ATRNL1: variants seen among roughly 807,000 people sequenced by gnomAD.
The protein encoded by ATRNL1 is attractin like 1.
A neutral mutation model predicts 182.7 loss-of-function variants in ATRNL1; 95 were observed. That is an observed-to-expected ratio of 0.52 (90% CI 0.44 to 0.62). The LOEUF (loss-of-function observed/expected upper bound fraction) is 0.62. Ranked by LOEUF, ATRNL1 falls within the 20% of genes least tolerant of loss-of-function variation. ATRNL1 has a pLI of 0.00. For missense variants in ATRNL1, 1,471 were observed against 1,679.5 expected (o/e 0.88, Z 2.17); for synonymous variants, 576 against 568.3 (o/e 1.01, Z -0.19).
chr10:115,640,539 T>G (rs1555029928), intron 26 of ATRNL1, among the ~76,000 whole-genome samples: 1 of 152,188 alleles, frequency 6.6e-6, no homozygotes, highest in Non-Finnish European at 1.5e-5. Flanking sequence ...GATGATGAAG[T>G]TTTTTTCATA....
intron 27 of ATRNL1, among the ~76,000 whole-genome samples, chr10:115,824,806 G>C (rs375639988): frequency 9.9e-5 from 15 of 152,160 alleles, no homozygotes; most frequent in East Asian, 5.8e-4. Context: ...GTACACTGTT[G>C]GTGGGTGTGT....
chr10:115,768,209 A>G (rs899405995), intron 27 of ATRNL1, among the ~76,000 whole-genome samples: 11 of 152,154 alleles, frequency 7.2e-5, no homozygotes, highest in African/African-American at 2.7e-4. Context: ...GTAAAATGAG[A>G]ATAGTAACAT....
intron 26 of ATRNL1, among the ~76,000 whole-genome samples, chr10:115,553,003 G>T (rs1398651482): frequency 2.6e-5 from 4 of 151,200 alleles, no homozygotes; most frequent in African/African-American, 4.8e-5. Context: ...TGAAATATTT[G>T]TCAGGAGCAA....
chr10:115,741,390 G>A (rs1357012952), intron 27 of ATRNL1, among the ~76,000 whole-genome samples: 1 of 152,156 alleles, frequency 6.6e-6, no homozygotes, highest in Non-Finnish European at 1.5e-5. Context: ...AGAGCAAGGT[G>A]AGCGAGGGAC....
chr10:115,150,921 T>C (rs575032651), intron 5 of ATRNL1, among the ~76,000 whole-genome samples: 1 of 152,292 alleles, frequency 6.6e-6, no homozygotes, highest in South Asian at 2.1e-4. Context: ...CCTTCCTGTG[T>C]CCAAGTGTTC....
intron 27 of ATRNL1, among the ~76,000 whole-genome samples, chr10:115,835,532 G>A (rs933668301): frequency 1.3e-5 from 2 of 152,180 alleles, no homozygotes; most frequent in Admixed American, 6.5e-5. Context: ...AATTGGGAAA[G>A]GCAATAATAT....
chr10:115,937,006 T>C (rs1465048262), intron 28 of ATRNL1, among the ~76,000 whole-genome samples: 3 of 152,180 alleles, frequency 2.0e-5, no homozygotes, highest in African/African-American at 4.8e-5. Flanking sequence ...TTTTTGAGTA[T>C]GTAATTAAAA....
At chr10:115,554,691 G>C (rs1407845112) in intron 26 of ATRNL1, among the ~76,000 whole-genome samples, 2 of 151,480 alleles carry the variant, frequency 1.3e-5, no homozygotes, top group Non-Finnish European at 3.0e-5. Flanking sequence ...GTCATGCATA[G>C]GGAGATAGAA....
At chr10:115,722,395 A>G (rs1947457221) in intron 26 of ATRNL1, among the ~76,000 whole-genome samples, 2 of 152,160 alleles carry the variant, frequency 1.3e-5, no homozygotes, top group African/African-American at 4.8e-5. Context: ...ATTTTTCTGA[A>G]CAAGAATTTG....
intron 26 of ATRNL1, among the ~76,000 whole-genome samples, chr10:115,652,544 A>G (rs1860077105): frequency 6.6e-6 from 1 of 152,126 alleles, no homozygotes; most frequent in Admixed American, 6.6e-5. Context: ...AATGGAGAAC[A>G]TATTTACGAT....
At chr10:115,706,332 G>C (rs1946896632) in intron 26 of ATRNL1, among the ~76,000 whole-genome samples, 1 of 151,688 alleles carries the variant, frequency 6.6e-6, no homozygotes, top group African/African-American at 2.4e-5. Context: ...TCTGTTATAA[G>C]AGCACTATGA....
intron 27 of ATRNL1, among the ~76,000 whole-genome samples, chr10:115,747,520 A>G (rs1342873530): frequency 6.6e-6 from 1 of 152,102 alleles, no homozygotes; most frequent in Non-Finnish European, 1.5e-5. Context: ...AGGAATATGT[A>G]ATGAATAGAA....
rs114090031 is a variant in ATRNL1 at position 115,618,717 on chromosome 10, G to A, written c.3795+69181G>A. Among the ~76,000 whole-genome samples, 1,481 of 152,092 alleles carry A rather than the reference G, an allele frequency of 9.7e-3. 15 individuals are homozygous for A. The highest frequency in any genetic ancestry group is 0.033 in the African/African-American group (1,360 of 41,508). ...ATTACTTTGTAGAATTATTTATTTA[G>A]ATCACCAGTTTTTCCCTGATTTCTA... On this transcript the variant is annotated intron_variant, in intron 26 of 28. Coordinates refer to ENST00000355044, the MANE Select transcript of ATRNL1 (RefSeq NM_207303.4).
chr10:115,762,230 A>G (rs574823444), intron 27 of ATRNL1, among the ~76,000 whole-genome samples: 1 of 152,264 alleles, frequency 6.6e-6, no homozygotes, highest in East Asian at 1.9e-4. Flanking sequence ...TTCTGTTTCA[A>G]AAACTATTAA....
intron 25 of ATRNL1, among the ~76,000 whole-genome samples, chr10:115,537,750 A>G (rs1361617247): frequency 1.3e-5 from 2 of 151,882 alleles, no homozygotes; most frequent in African/African-American, 2.4e-5. Flanking sequence ...TCTGTGCAGT[A>G]AAATTCCTTT....
At chr10:115,429,754 C>T (rs1846061609) in intron 21 of ATRNL1, among the ~76,000 whole-genome samples, 1 of 151,928 alleles carries the variant, frequency 6.6e-6, no homozygotes, top group African/African-American at 2.4e-5. Flanking sequence ...GACTAAATGA[C>T]CTATGACTGC....
intron 26 of ATRNL1, among the ~76,000 whole-genome samples, chr10:115,605,832 A>G (rs1856844405): frequency 6.6e-6 from 1 of 151,914 alleles, no homozygotes; most frequent in Non-Finnish European, 1.5e-5. Flanking sequence ...TAATAATAAT[A>G]ATAATAATTC....
intron 26 of ATRNL1, among the ~76,000 whole-genome samples, chr10:115,713,136 T>C (rs1555055061): frequency 6.6e-6 from 1 of 152,142 alleles, no homozygotes; most frequent in East Asian, 1.9e-4. Flanking sequence ...CTCTCCTCTG[T>C]CATTAGCCAA....
intron 23 of ATRNL1, among the ~76,000 whole-genome samples, chr10:115,468,349 C>T (rs1482215404): frequency 2.7e-5 from 4 of 150,662 alleles, no homozygotes; most frequent in African/African-American, 9.7e-5. Flanking sequence ...TTTCAGATTC[C>T]CAGACCAAAT....
Sources: allele counts gnomAD v4.1 joint callset (sites outside exome capture counted in the v4.1 genomes callset), GRCh38; gene constraint gnomAD v4.1.1; transcripts MANE v1.5; gene names NCBI Gene and HGNC (gene_info 2026-07-23, HGNC 2026-07-21).